NLRC5: variants seen among roughly 807,000 people sequenced by gnomAD.
NLRC5 encodes protein NLRC5.
A neutral mutation model predicts 206.9 loss-of-function variants in NLRC5; 114 were observed. That is an observed-to-expected ratio of 0.55 (90% CI 0.47 to 0.64). The LOEUF (loss-of-function observed/expected upper bound fraction) is 0.64, where lower values mean the gene tolerates loss of function less well. Among genes scored for constraint, NLRC5 ranks in the 30% least tolerant of loss-of-function variants. The pLI, the probability that NLRC5 is intolerant of heterozygous loss-of-function variation, is 0.00. For synonymous variants in NLRC5, 952 were observed against 962.8 expected, an observed-to-expected ratio of 0.99 and a Z score of 0.21; for missense variants, 2,008 against 2,305.5, an observed-to-expected ratio of 0.87 and a Z score of 2.64.
chr16:57,061,818 C>A lies in NLRC5; in HGVS notation c.4154+117C>A, dbSNP rs1282812615. ...CCAGTCATTTCCTGTACCCACAACC[C>A]TGCCATCTGGACCCTGAGCAAACCC... On this transcript the variant is annotated intron_variant, in intron 32 of 48. Transcript: ENST00000688547. 9 of 1,537,274 alleles carry A rather than the reference C, an allele frequency of 5.9e-6. No individual in the cohort carries two copies. The South Asian group carries it at 9.5e-5, about 16-fold the overall frequency.
At position 57,022,288 on chromosome 16, in the gene NLRC5, A is replaced by T. The variant is rs558032743; in HGVS notation, c.328A>T (p.Ser110Cys). ...CAGCCAGCTGGGAGCTGAGGGGAAA[A>T]GCCAACCTGAATCTCAGCTCCACCA... ...FTSQLGAEGK[S>C]QPESQLHHGL... The change falls in exon 4 of 49, where the codon AGC becomes TGC. Residue 110 changes from serine to cysteine, a missense_variant. Physicochemically the swap from Ser to Cys is moderately radical, Grantham distance 112. Coordinates refer to ENST00000688547, the MANE Select transcript of NLRC5 (RefSeq NM_001384950.1). 2.5e-5 allele frequency: 41 copies of T among 1,611,904 alleles called. 2 individuals are homozygous for T. The South Asian group carries it at 4.5e-4, about 18-fold the overall frequency.
At chr16:57,022,754 C>G (rs556214165) in intron 4 of NLRC5, among the ~76,000 whole-genome samples, 1 of 152,368 alleles carries the variant, frequency 6.6e-6, no homozygotes, top group East Asian at 1.9e-4. Context: ...TCTGAAGGAG[C>G]TCGGAAGGGC....
At chr16:57,080,366 C>T (rs533391482) in intron 46 of NLRC5, among the ~76,000 whole-genome samples, 59 of 152,168 alleles carry the variant, frequency 3.9e-4, no homozygotes, top group African/African-American at 1.3e-3. Flanking sequence ...GGCATATGTT[C>T]CAACTAGAAG....
intron 24 of NLRC5, among the ~76,000 whole-genome samples, chr16:57,053,373 C>T (rs2065184918): frequency 6.6e-6 from 1 of 152,010 alleles, no homozygotes; most frequent in South Asian, 2.1e-4. Flanking sequence ...AGCGCGGAAC[C>T]GAGACAGCCA....
At chr16:57,027,325 C>T (rs1246916029) in intron 6 of NLRC5, among the ~76,000 whole-genome samples, 1 of 152,222 alleles carries the variant, frequency 6.6e-6, no homozygotes. Context: ...CACATGCACA[C>T]TGTCTAGGCC....
chr16:57,029,734 A>G, intron 8 of NLRC5, 39 bp from the exon 9 acceptor site: 1 of 1,585,542 alleles, frequency 6.3e-7, no homozygotes, highest in Non-Finnish European at 8.7e-7. Context: ...AAGTGCCCCA[A>G]CCCCAGGGCA....
chr16:57,049,931 A>G (rs189650155), intron 23 of NLRC5, among the ~76,000 whole-genome samples: 163 of 152,040 alleles, frequency 1.1e-3, no homozygotes, highest in African/African-American at 3.8e-3. Flanking sequence ...ATAGTCATCA[A>G]GGTACTCAAT....
chr16:57,020,752 T>A lies in NLRC5; in HGVS notation c.40T>A (p.Trp14Arg). The change falls in exon 3 of 49, where the codon TGG (tryptophan) becomes AGG (arginine). Residue 14 changes from tryptophan (W) to arginine (R), a missense_variant. Transcript: ENST00000688547. ...VGLQLGNKNLWSCLVRLLTKD... is the reference protein window; with the variant it reads ...VGLQLGNKNLRSCLVRLLTKD... ...CCTCCAGCTCGGCAACAAGAACCTG[T>A]GGAGCTGTCTTGTGAGGCTGCTCAC... The A allele has an allele frequency of 6.2e-7, 1 of 1,611,968 alleles. No individual in the cohort carries two copies. The highest frequency in any genetic ancestry group is 8.5e-7 in the Non-Finnish European group (1 of 1,179,602).
chr16:57,017,637 C>T (rs2060226996), intron 2 of NLRC5, among the ~76,000 whole-genome samples: 1 of 152,162 alleles, frequency 6.6e-6, no homozygotes, highest in African/African-American at 2.4e-5. Flanking sequence ...ACAGGGTAGC[C>T]ATGATTTGCA....
At chr16:56,991,385 T>C (rs77397388) in intron 1 of NLRC5, among the ~76,000 whole-genome samples, 20 of 141,470 alleles carry the variant, frequency 1.4e-4, no homozygotes, top group African/African-American at 5.6e-4. Flanking sequence ...ATTCCTTTTT[T>C]TTTTTTTTTT....
At position 57,055,100 on chromosome 16, in the gene NLRC5, C is replaced by G; in HGVS notation, c.3659+6C>G. ...GAGGAAGGCGTGTGCTGTGGGTAAG[C>G]CCCCTTGAACCATGCCTAGGCAGCT... On this transcript the variant is annotated splice_donor_region_variant and intron_variant, in intron 26 of 48. Coordinates refer to ENST00000688547, the MANE Select transcript of NLRC5 (RefSeq NM_001384950.1). The G allele has an allele frequency of 6.2e-7, 1 of 1,614,008 alleles. No individual in the cohort carries two copies. The highest frequency in any genetic ancestry group is 1.6e-4 in the Middle Eastern group (1 of 6,062).
intron 1 of NLRC5, among the ~76,000 whole-genome samples, chr16:57,006,439 GAC>G (rs2058924496): frequency 5.2e-5 from 1 of 19,104 alleles, no homozygotes; most frequent in Non-Finnish European, 1.4e-4. Flanking sequence ...TTTTTTTTGA[GAC>G]AGGGTTTCAC....
chr16:57,059,849 C>T (rs1194122287), intron 30 of NLRC5, among the ~76,000 whole-genome samples: 1 of 152,126 alleles, frequency 6.6e-6, no homozygotes, highest in Admixed American at 6.5e-5. Flanking sequence ...TTGAAGCCAA[C>T]TGAAAATAAA....
intron 27 of NLRC5, among the ~76,000 whole-genome samples, chr16:57,057,661 G>A (rs981581610): frequency 5.3e-5 from 8 of 152,222 alleles, no homozygotes; most frequent in Non-Finnish European, 1.2e-4. Flanking sequence ...ACCCTTGAAA[G>A]CCTGCTGGAG....
Position 57,037,314 on chromosome 16 carries a change from TC to T in NLRC5, c.2801+40del, listed in dbSNP as rs56113643. On this transcript the variant is annotated intron_variant, in intron 15 of 48. Transcript: ENST00000688547. ...GAGCTCCCTCAGACCACGGTACCCA[TC>T]CCCCCCCCCATCATGCTCTCTCTGA... 0.042 allele frequency: 63,567 copies of T among 1,516,636 alleles called. 8,821 individuals carry two copies. In the East Asian group the frequency reaches 0.52, roughly 12 times the overall value. The allele number at this position is 1,516,636 out of a possible 1,614,324, so 93.9% of individuals were successfully genotyped here. A position where few individuals can be genotyped will look rare whatever the true frequency, so the allele number is the denominator to read the frequency against.
At chr16:57,047,318 A>G (rs1238153600) in intron 22 of NLRC5, among the ~76,000 whole-genome samples, 1 of 151,994 alleles carries the variant, frequency 6.6e-6, no homozygotes, top group Non-Finnish European at 1.5e-5. Flanking sequence ...TTGGAGAGTC[A>G]CTGACAAGGG....
intron 20 of NLRC5, 92 bp downstream of exon 20, chr16:57,043,696 G>T: frequency 1.0e-6 from 1 of 984,016 alleles, no homozygotes; most frequent in Non-Finnish European, 1.6e-6. Context: ...CCAGTTTCAT[G>T]CCAACCTGTC....
At chr16:57,041,901 T>A in intron 18 of NLRC5, 81 bp from the exon 19 acceptor site, 1 of 923,582 alleles carries the variant, frequency 1.1e-6, no homozygotes, top group African/African-American at 1.7e-5. Flanking sequence ...GGAAGTTGAG[T>A]AACTGGAATG....
In NLRC5 at chr16:57,047,570, C is replaced by T. The variant is rs2064166993; in HGVS notation, c.3364C>T (p.Pro1122Ser). 1 of 1,612,412 alleles carries T rather than the reference C, an allele frequency of 6.2e-7. No homozygotes were observed. The highest frequency in any genetic ancestry group is 1.3e-5 in the African/African-American group (1 of 74,966). The change falls in exon 23 of 49, where the codon CCA (proline) becomes TCA (serine). Residue 1122 changes from proline (P) to serine (S), a missense_variant. Transcript: ENST00000688547. ...CCTCAGTGAGTGTCCTCTGGAGCCCCCAAGCCTCACCCGCCTCTGTGCCAC... is the reference window on the plus strand; with the variant it reads ...CCTCAGTGAGTGTCCTCTGGAGCCCTCAAGCCTCACCCGCCTCTGTGCCAC... ...LCLSECPLEP[P>S]SLTRLCATLK...
Sources: gnomAD v4.1 joint callset for allele counts (sites outside exome capture counted in the v4.1 genomes callset) on GRCh38, gnomAD v4.1.1 for gene constraint, MANE v1.5 for transcripts, NCBI Gene and HGNC (gene_info 2026-07-23, HGNC 2026-07-21) for gene names.